Variants in ZBTB46 observed in about 807,000 individuals in gnomAD.
ZBTB46 encodes zinc finger and BTB domain-containing protein 46.
ZBTB46 carries 8 observed loss-of-function variants against 44.1 expected under a neutral mutation model. The observed-to-expected ratio is 0.18, with a 90% CI of 0.11 to 0.33. The LOEUF is 0.33. ZBTB46 is among the 10% of genes least tolerant of loss of function. The pLI, the probability that ZBTB46 is intolerant of heterozygous loss-of-function variation, is 1.00. For synonymous variants in ZBTB46, 409 were observed against 382.3 expected, an observed-to-expected ratio of 1.07 and a Z score of -0.81; for missense variants, 651 against 847.7, an observed-to-expected ratio of 0.77 and a Z score of 2.88.
intron 2 of ZBTB46, among the ~76,000 whole-genome samples, chr20:63,779,236 A>G (rs201770319): frequency 6.6e-6 from 1 of 151,032 alleles, no homozygotes; most frequent in Non-Finnish European, 1.5e-5. Flanking sequence ...TTAATTAATT[A>G]ATTAATTTAT....
intron 1 of ZBTB46, chr20:63,808,047 T>C (rs1380968687): frequency 4.0e-5 from 6 of 151,270 alleles, no homozygotes; most frequent in Non-Finnish European, 8.8e-5. Flanking sequence ...TCACGGAAGC[T>C]GAACGGACCT....
At chr20:63,794,580 C>T (rs1346096709) in intron 1 of ZBTB46, among the ~76,000 whole-genome samples, 1 of 152,224 alleles carries the variant, frequency 6.6e-6, no homozygotes, top group African/African-American at 2.4e-5. Flanking sequence ...CAGGGAAGTT[C>T]TAGGAGAATA....
At chr20:63,830,033 C>T (rs1248141273) in intron 1 of ZBTB46, among the ~76,000 whole-genome samples, 4 of 152,240 alleles carry the variant, frequency 2.6e-5, no homozygotes, top group Admixed American at 1.3e-4. Flanking sequence ...CCAAATGCAT[C>T]GTTGAGATTG....
chr20:63,798,389 C>T (rs1018479331), intron 1 of ZBTB46, among the ~76,000 whole-genome samples: 9 of 151,894 alleles, frequency 5.9e-5, no homozygotes, highest in East Asian at 3.9e-4. Context: ...ATTAGCTGGG[C>T]GTTGGCCGCG....
Position 63,754,400 on chromosome 20 carries a change from T to G in ZBTB46, c.1223-1539A>C, listed in dbSNP as rs1419243878. Reference sequence around the variant, plus strand: ...AACAGAGCAAACGCTCCACACATTCTAGGCTAGAAAAGGAGAGCAAGGAAA... The same window carrying G: ...AACAGAGCAAACGCTCCACACATTCGAGGCTAGAAAAGGAGAGCAAGGAAA... On this transcript the variant is annotated intron_variant, in intron 3 of 4. Coordinates refer to ENST00000245663, the MANE Select transcript of ZBTB46 (RefSeq NM_001369741.1). 2.0e-5 allele frequency among the ~76,000 whole-genome samples: 3 copies of G among 152,326 alleles called. No individual in the cohort carries two copies. In the East Asian group the frequency reaches 5.8e-4, roughly 29 times the overall value.
At position 63,752,791 on chromosome 20, in the gene ZBTB46, G is replaced by A; in HGVS notation, c.1293C>T (p.Cys431=). The change falls in exon 4 of 5, where the codon TGC becomes TGT. Residue 431 remains cysteine, a synonymous_variant. Coordinates refer to ENST00000245663, the MANE Select transcript of ZBTB46 (RefSeq NM_001369741.1). This position sits in a 1 kb window ranked among gnomAD's most constrained non-coding sequence, Gnocchi z 5.6. ...GCGAGCGCATGTGTCGCTTGAGGAT[G>A]CACTGGTGCATGGCCGAGAAGCTGC... The part of the protein sequence containing the change: ...PYCSFSAMHQ[C]ILKRHMRSHT... The A allele has an allele frequency of 6.2e-7, 1 of 1,613,088 alleles. No individual in the cohort carries two copies. Among genetic ancestry groups the A allele is most frequent in the Non-Finnish European group, 8.5e-7 (1 of 1,179,512 alleles).
In ZBTB46 at chr20:63,752,980, C is replaced by A; in HGVS notation, c.1223-119G>T. On this transcript the variant is annotated intron_variant, in intron 3 of 4. Coordinates refer to ENST00000245663, the MANE Select transcript of ZBTB46 (RefSeq NM_001369741.1). The surrounding 1 kb of genome is among the most constrained non-coding windows in gnomAD (Gnocchi z 5.6). ...AGGACGGGCTGTCTCCCACGGCCAC[C>A]CACTGGGGGCTGGTCAGCACTGCGA... 8.9e-7 allele frequency: 1 copy of A among 1,122,130 alleles called. No individual in the cohort carries two copies. The highest frequency in any genetic ancestry group is 2.6e-5 in the East Asian group (1 of 38,334). The allele number at this position is 1,122,130 out of a possible 1,614,324, so 69.5% of individuals were successfully genotyped here.
At chr20:63,747,461 G>A (rs1349094761) in intron 4 of ZBTB46, among the ~76,000 whole-genome samples, 160 bp from the exon 5 acceptor site, 1 of 46,958 alleles carries the variant, frequency 2.1e-5, no homozygotes, top group African/African-American at 8.6e-5. Context: ...TGGAGGTGGG[G>A]GGGGCGGGGC....
intron 2 of ZBTB46, among the ~76,000 whole-genome samples, chr20:63,783,296 G>T (rs992976975): frequency 2.6e-5 from 4 of 152,144 alleles, no homozygotes; most frequent in Admixed American, 1.3e-4. Context: ...GGGCGTGGTG[G>T]CACGTGCCTG....
chr20:63,792,433 G>A (rs1384335145), intron 1 of ZBTB46, among the ~76,000 whole-genome samples: 2 of 152,222 alleles, frequency 1.3e-5, no homozygotes, highest in Non-Finnish European at 2.9e-5. Context: ...ACGGGGTCGG[G>A]GGCTCAGCAG....
intron 1 of ZBTB46, among the ~76,000 whole-genome samples, chr20:63,792,204 T>C (rs1253942830): frequency 6.6e-6 from 1 of 152,118 alleles, no homozygotes; most frequent in African/African-American, 2.4e-5. Flanking sequence ...GGCTAGAACT[T>C]CCACAGACAA....
intron 3 of ZBTB46, among the ~76,000 whole-genome samples, chr20:63,766,205 CTTTTTTTTTT>C (rs10525501): frequency 2.4e-5 from 2 of 81,718 alleles, no homozygotes; most frequent in East Asian, 7.0e-4. Flanking sequence ...CTGAGAGATC[CTTTTTTTTTT>C]TTTTTTTTTT....
In ZBTB46 at chr20:63,787,400, T is replaced by C. The variant is rs2092524791; in HGVS notation, c.937+2421A>G. 6.6e-6 allele frequency among the ~76,000 whole-genome samples: 1 copy of C among 152,252 alleles called. No homozygotes were observed. ...TGCACAGTTCTGTCCTCAGCCTTCA[T>C]GTTCCCTCAGCACTCGCTCACCCAG... On this transcript the variant is annotated intron_variant, in intron 2 of 4. Coordinates refer to ENST00000245663, the MANE Select transcript of ZBTB46 (RefSeq NM_001369741.1). The surrounding 1 kb of genome is among the most constrained non-coding windows in gnomAD (Gnocchi z 4.6).
intron 3 of ZBTB46, 115 bp downstream of exon 3, chr20:63,775,563 G>A: frequency 7.2e-7 from 1 of 1,379,560 alleles, no homozygotes; most frequent in Non-Finnish European, 9.7e-7. Context: ...GAGGTCAGCA[G>A]GCGGCCGAGC....
chr20:63,761,823 T>C (rs961631404), intron 3 of ZBTB46, among the ~76,000 whole-genome samples: 8 of 152,182 alleles, frequency 5.3e-5, no homozygotes, highest in Non-Finnish European at 1.0e-4. Context: ...AGGGATTTAT[T>C]CTTTGACTTG....
rs80111470 is a variant in ZBTB46 at position 63,792,077 on chromosome 20, C to T, written c.-33-1287G>A. Among the ~76,000 whole-genome samples the T allele has an allele frequency of 3.3e-3, 497 of 152,336 alleles. 4 individuals are homozygous for T. The highest frequency in any genetic ancestry group is 0.012 in the African/African-American group (481 of 41,578). On this transcript the variant is annotated intron_variant, in intron 1 of 4. Coordinates refer to ENST00000245663, the MANE Select transcript of ZBTB46 (RefSeq NM_001369741.1). ...GTGCACGTCTGTGTCCAAATGTCACCCTTTCACAAGGACACCAGTCGTCCG... is the reference window on the plus strand; with the variant it reads ...GTGCACGTCTGTGTCCAAATGTCACTCTTTCACAAGGACACCAGTCGTCCG...
At chr20:63,804,615 C>T (rs977025445) in intron 1 of ZBTB46, among the ~76,000 whole-genome samples, 4 of 152,104 alleles carry the variant, frequency 2.6e-5, no homozygotes, top group African/African-American at 4.8e-5. Flanking sequence ...AGTACCAGGC[C>T]GGGCACGGTG....
In ZBTB46 at chr20:63,752,728, C is replaced by T; in HGVS notation, c.1356G>A (p.Gly452=). 2 of 1,608,594 alleles carry T rather than the reference C, an allele frequency of 1.2e-6. No homozygotes were observed. Among genetic ancestry groups the T allele is most frequent in the East Asian group, 2.2e-5 (1 of 44,768 alleles). Residue 452 remains glycine (G), a synonymous_variant, in exon 4 of 5, where the codon GGG becomes GGA. Coordinates refer to ENST00000245663, the MANE Select transcript of ZBTB46 (RefSeq NM_001369741.1). This position sits in a 1 kb window ranked among gnomAD's most constrained non-coding sequence, Gnocchi z 5.6. ...GERPYPCEIC[G]KKFTRREHMK... ...TGTGCTCGCGCCGCGTGAACTTCTT[C>T]CCGCAGATCTCGCAGGGGTAGGGCC...
At chr20:63,801,789 G>A (rs1413946645) in intron 1 of ZBTB46, among the ~76,000 whole-genome samples, 1 of 152,144 alleles carries the variant, frequency 6.6e-6, no homozygotes, top group Non-Finnish European at 1.5e-5. Flanking sequence ...CATTCTTGAA[G>A]TCAGTGAGAC....
Sources: gnomAD v4.1 joint callset for allele counts (sites outside exome capture counted in the v4.1 genomes callset) on GRCh38, gnomAD v4.1.1 for gene constraint, Gnocchi (gnomAD v3.1) non-coding constraint, MANE v1.5 for transcripts, NCBI Gene and HGNC (gene_info 2026-07-23, HGNC 2026-07-21) for gene names.